The following CCDC178 variants were observed in gnomAD, a reference collection of about 807,000 sequenced individuals.
The protein encoded by CCDC178 is coiled-coil domain containing 178, also known as coiled-coil domain-containing protein 178.
CCDC178 carries 126 observed loss-of-function variants against 117.4 expected under a neutral mutation model. The observed-to-expected ratio is 1.07, with a 90% CI of 0.93 to 1.24. The LOEUF (loss-of-function observed/expected upper bound fraction) is 1.24, where lower values mean the gene tolerates loss of function less well. CCDC178 is among the 50% of genes most tolerant of loss of function. The pLI is 0.00. For synonymous variants in CCDC178, 283 were observed against 313.4 expected (o/e 0.90, Z 1.02); for missense variants, 1,030 against 986.9 (o/e 1.04, Z -0.59).
intron 20 of CCDC178, among the ~76,000 whole-genome samples, chr18:33,109,003 T>TGTC (rs1176336476): frequency 6.6e-6 from 1 of 151,654 alleles, no homozygotes; most frequent in Non-Finnish European, 1.5e-5. Context: ...ATTTTTGAGC[T>TGTC]GTCAGTTGGT....
At chr18:33,029,670 C>G (rs922253405) in intron 21 of CCDC178, among the ~76,000 whole-genome samples, 1 of 151,948 alleles carries the variant, frequency 6.6e-6, no homozygotes, top group Non-Finnish European at 1.5e-5. Context: ...TTAACTACAT[C>G]TCACAAGTTT....
chr18:33,078,684 G>T (rs190176599), intron 21 of CCDC178, among the ~76,000 whole-genome samples: 23 of 152,210 alleles, frequency 1.5e-4, no homozygotes, highest in African/African-American at 5.3e-4. Context: ...ATTCACAATT[G>T]CCACAAAAGG....
chr18:33,165,281 A>G (rs1353034602), intron 20 of CCDC178, among the ~76,000 whole-genome samples: 2 of 152,198 alleles, frequency 1.3e-5, no homozygotes, highest in African/African-American at 4.8e-5. Context: ...TGGGCCCAGG[A>G]GTCCAGCCTG....
At chr18:33,152,349 T>C (rs563015729) in intron 20 of CCDC178, among the ~76,000 whole-genome samples, 1 of 151,948 alleles carries the variant, frequency 6.6e-6, no homozygotes, top group Non-Finnish European at 1.5e-5. Context: ...AAAATGGTCA[T>C]AATATTTTGC....
chr18:33,437,438 C>CA (rs1426449737), intron 2 of CCDC178, among the ~76,000 whole-genome samples: 1 of 152,012 alleles, frequency 6.6e-6, no homozygotes, highest in Non-Finnish European at 1.5e-5. Context: ...TTAACATGCC[C>CA]AGGTATCTCA....
chr18:32,964,200 G>A (rs1305297530), intron 22 of CCDC178, among the ~76,000 whole-genome samples: 1 of 151,930 alleles, frequency 6.6e-6, no homozygotes, highest in Admixed American at 6.6e-5. Context: ...AGATGAGGGT[G>A]GAATGCTGAT....
chr18:33,164,309 G>A (rs760393574), intron 20 of CCDC178, among the ~76,000 whole-genome samples: 2 of 151,756 alleles, frequency 1.3e-5, no homozygotes, highest in Non-Finnish European at 2.9e-5. Context: ...TTGTTGGTCA[G>A]GCTGGTCTCG....
chr18:33,319,560 A>G (rs1418748593), intron 11 of CCDC178, among the ~76,000 whole-genome samples: 1 of 152,114 alleles, frequency 6.6e-6, no homozygotes, highest in African/African-American at 2.4e-5. Flanking sequence ...TATACCCAGT[A>G]ATGGGATGGC....
chr18:33,054,671 T>C (rs1275752305), intron 21 of CCDC178, among the ~76,000 whole-genome samples: 2 of 152,260 alleles, frequency 1.3e-5, no homozygotes, highest in Non-Finnish European at 1.5e-5. Flanking sequence ...CAGTTTATCA[T>C]TGATTGGCAT....
intron 6 of CCDC178, among the ~76,000 whole-genome samples, chr18:33,367,744 A>G (rs1024115887): frequency 3.3e-5 from 5 of 151,966 alleles, no homozygotes; most frequent in African/African-American, 1.2e-4. Context: ...CTTATGTTCT[A>G]TTTACCAGTT....
chr18:33,014,884 G>T (rs2055948299), intron 21 of CCDC178, among the ~76,000 whole-genome samples: 1 of 152,116 alleles, frequency 6.6e-6, no homozygotes, highest in Admixed American at 6.6e-5. Context: ...GAAAAAATTC[G>T]ATTTCCAGAG....
chr18:33,404,914 T>A (rs533395408), intron 3 of CCDC178, among the ~76,000 whole-genome samples: 3 of 151,968 alleles, frequency 2.0e-5, no homozygotes, highest in African/African-American at 4.8e-5. Flanking sequence ...AGTAAACAAA[T>A]CCATAGAGCA....
intron 21 of CCDC178, among the ~76,000 whole-genome samples, chr18:32,989,118 T>C (rs2055334573): frequency 6.6e-6 from 1 of 152,056 alleles, no homozygotes; most frequent in Non-Finnish European, 1.5e-5. Context: ...ATTCTAGAAG[T>C]CAAGCAAAAC....
chr18:33,412,633 C>T (rs894663170), intron 2 of CCDC178, among the ~76,000 whole-genome samples: 1 of 152,038 alleles, frequency 6.6e-6, no homozygotes, highest in African/African-American at 2.4e-5. Context: ...CCTGTCTCAC[C>T]TACTTCTGAT....
intron 7 of CCDC178, 31 bp from the exon 8 acceptor site, chr18:33,349,006 G>A (rs944288998): frequency 2.1e-6 from 3 of 1,437,308 alleles, no homozygotes; most frequent in African/African-American, 2.9e-5. Flanking sequence ...AAGCAGTAAA[G>A]AAGTACTTAA....
rs776456461 is a variant in CCDC178, at chr18:33,370,057, A to T, written c.341T>A (p.Leu114Ter). Residue 114 changes from leucine to a stop codon, truncating the protein, a stop_gained, in exon 6 of 23, where the codon TTG becomes TAG. Coordinates refer to ENST00000383096, the MANE Select transcript of CCDC178 (RefSeq NM_001105528.4). LOFTEE classifies it high-confidence loss of function. ...QDVESKIQEH[L>*]KRFETSFEEW... ...TTTAAATTAGTCTCTTACCCTTTTC[A>T]AATGCTCCTGTATTTTGGACTCCAC... 1.3e-6 allele frequency: 2 copies of T among 1,580,998 alleles called. No individual in the cohort carries two copies. Among genetic ancestry groups the T allele is most frequent in the Non-Finnish European group, 1.7e-6 (2 of 1,166,310 alleles).
At chr18:33,348,387 ATATT>A (rs1254353873) in intron 8 of CCDC178, among the ~76,000 whole-genome samples, 2 of 151,892 alleles carry the variant, frequency 1.3e-5, no homozygotes, top group Non-Finnish European at 2.9e-5. Context: ...TGTGATAAGA[ATATT>A]TATCACAACT....
intron 11 of CCDC178, among the ~76,000 whole-genome samples, chr18:33,310,692 ATAAT>A (rs969655486): frequency 2.0e-5 from 3 of 152,334 alleles, no homozygotes; most frequent in East Asian, 1.9e-4. Flanking sequence ...TCTGAAAAAA[ATAAT>A]TAATTTATAA....
intron 20 of CCDC178, among the ~76,000 whole-genome samples, chr18:33,200,930 GATGAATGA>G (rs1204090332): frequency 1.3e-5 from 2 of 152,092 alleles, no homozygotes; most frequent in African/African-American, 4.8e-5. Flanking sequence ...CAAATACATC[GATGAATGA>G]ATGAACAAAA....
Sources: allele counts gnomAD v4.1 joint callset (sites outside exome capture counted in the v4.1 genomes callset), GRCh38; gene constraint gnomAD v4.1.1; transcripts MANE v1.5; gene names NCBI Gene and HGNC (gene_info 2026-07-23, HGNC 2026-07-21).